ITGAM: variants seen among roughly 807,000 people sequenced by gnomAD.
ITGAM encodes integrin subunit alpha M, also known as integrin alpha-M.
Under a neutral mutation model 137.5 loss-of-function variants are expected in ITGAM, and 79 were observed. The observed-to-expected ratio is 0.57, with a 90% CI of 0.48 to 0.69. ITGAM has a LOEUF of 0.69. Among genes scored for constraint, ITGAM ranks in the 30% least tolerant of loss-of-function variants. The pLI is 0.00. For missense variants in ITGAM, 1,343 were observed against 1,483.5 expected (o/e 0.91, Z 1.56); for synonymous variants, 583 against 592.3 (o/e 0.98, Z 0.23).
chr16:31,330,444 G>T, intron 27 of ITGAM, 23 bp downstream of exon 27: 2 of 1,610,728 alleles, frequency 1.2e-6, no homozygotes, highest in Non-Finnish European at 1.7e-6. Context: ...CTGAGGCTTC[G>T]CCGGGCACAG....
At chr16:31,302,948 CT>C (rs1309452982) in intron 14 of ITGAM, among the ~76,000 whole-genome samples, 5 of 115,428 alleles carry the variant, frequency 4.3e-5, no homozygotes, top group African/African-American at 1.6e-4. Context: ...TTCTTTCTTT[CT>C]TTCTTTCTTT....
At chr16:31,311,957 A>G (rs570289022) in intron 14 of ITGAM, among the ~76,000 whole-genome samples, 40 of 152,118 alleles carry the variant, frequency 2.6e-4, no homozygotes, top group African/African-American at 9.4e-4. Context: ...ACGCAGCCAT[A>G]AAAAAGGATG....
intron 11 of ITGAM, among the ~76,000 whole-genome samples, chr16:31,277,354 G>A (rs983848515): frequency 1.4e-5 from 2 of 147,888 alleles, no homozygotes; most frequent in Non-Finnish European, 3.0e-5. Context: ...CACCACCCCT[G>A]GCTAATTTTT....
At chr16:31,323,537 T>C (rs1029457005) in intron 16 of ITGAM, among the ~76,000 whole-genome samples, 1 of 151,760 alleles carries the variant, frequency 6.6e-6, no homozygotes, top group African/African-American at 2.4e-5. Flanking sequence ...ATAATCAAAC[T>C]GCTGAAGACC....
In ITGAM at chr16:31,297,867, T is replaced by C. The variant is rs1306728574; in HGVS notation, c.1620T>C (p.Ile540=). 1.2e-6 allele frequency: 2 copies of C among 1,613,760 alleles called. No individual in the cohort carries two copies. The highest frequency in any genetic ancestry group is 4.5e-5 in the East Asian group (2 of 44,864). The change falls in exon 14 of 30, where the codon ATT becomes ATC. Residue 540 remains isoleucine (I), a synonymous_variant. Transcript: ENST00000544665. The stretch of plus-strand genomic sequence containing the variant: ...GGGACAAGCTGACGGACGTGGCCAT[T>C]GGGGCCCCAGGAGAGGAGGACAACC... ...VNGDKLTDVA[I]GAPGEEDNRG... is the part of the protein sequence containing the mutation.
At position 31,273,515 on chromosome 16, in the gene ITGAM, T is replaced by A. The variant is rs1354783761; in HGVS notation, c.855T>A (p.Ile285=). ...ADREGVIRYV[I]GVGDAFRSEK... ...GAGAGGGAGTCATTCGCTACGTCAT[T>A]GGGGTAGGGAATGCAGCTCTCAGGT... The change falls in exon 8 of 30, where the codon ATT becomes ATA. Residue 285 remains isoleucine (I), a synonymous_variant. Coordinates refer to ENST00000544665, the MANE Select transcript of ITGAM (RefSeq NM_000632.4). 4 of 1,613,520 alleles carry A rather than the reference T, an allele frequency of 2.5e-6. No individual in the cohort carries two copies. In the East Asian group the frequency reaches 8.9e-5, roughly 36 times the overall value.
At chr16:31,312,447 G>T (rs1238697697) in intron 14 of ITGAM, among the ~76,000 whole-genome samples, 2 of 152,072 alleles carry the variant, frequency 1.3e-5, no homozygotes, top group African/African-American at 4.8e-5. Flanking sequence ...TTATTTTTGA[G>T]ACAGGGTCTT....
intron 14 of ITGAM, among the ~76,000 whole-genome samples, chr16:31,304,053 G>A (rs2080241920): frequency 6.6e-6 from 1 of 152,108 alleles, no homozygotes; most frequent in African/African-American, 2.4e-5. Flanking sequence ...GTTTTCCATA[G>A]AGGTTGTGCT....
Position 31,277,674 on chromosome 16 carries a change from G to T in ITGAM, c.1214-293G>T, listed in dbSNP as rs530284316. 2.7e-4 allele frequency among the ~76,000 whole-genome samples: 41 copies of T among 151,970 alleles called. 1 individual carries two copies. In the South Asian group the frequency reaches 7.9e-3, roughly 29 times the overall value. ...TGCCTGGTCTTTTTTTGTATTTTCAGTAGAGACCGGGTTTCACCATGTTGG... is the reference window on the plus strand; with the variant it reads ...TGCCTGGTCTTTTTTTGTATTTTCATTAGAGACCGGGTTTCACCATGTTGG... On this transcript the variant is annotated intron_variant, in intron 11 of 29. Transcript: ENST00000544665.
chr16:31,278,478 G>A (rs2079933921), intron 12 of ITGAM, among the ~76,000 whole-genome samples: 2 of 152,142 alleles, frequency 1.3e-5, no homozygotes, highest in East Asian at 3.8e-4. Context: ...CCCAGTCTCT[G>A]TGGGCTTCCC....
intron 14 of ITGAM, 77 bp downstream of exon 14, chr16:31,298,031 T>A (rs1163924156): frequency 8.2e-7 from 1 of 1,223,108 alleles, no homozygotes; most frequent in Non-Finnish European, 1.2e-6. Flanking sequence ...TGCCCACAGC[T>A]GCCAGATAAG....
Position 31,331,719 on chromosome 16 carries a change from C to T in ITGAM, c.*12C>T. 3 of 1,585,140 alleles carry T rather than the reference C, an allele frequency of 1.9e-6. No individual in the cohort carries two copies. The highest frequency in any genetic ancestry group is 2.6e-6 in the Non-Finnish European group (3 of 1,165,372). On this transcript the variant is annotated 3_prime_UTR_variant, in exon 30 of 30. Transcript: ENST00000544665. ...CCGAACCCCAGTAGCGGCTCCTTCC[C>T]GACAGAGCTGCCTCTCGGTGGCCAG...
At chr16:31,299,844 TCTCCTC>T (rs148409269) in intron 14 of ITGAM, among the ~76,000 whole-genome samples, 10 of 110,240 alleles carry the variant, frequency 9.1e-5, no homozygotes, top group Admixed American at 2.2e-4. Context: ...GTCGTCCTCC[TCTCCTC>T]CTCCTCCTCC....
intron 14 of ITGAM, among the ~76,000 whole-genome samples, chr16:31,312,126 G>A (rs2080339403): frequency 7.8e-6 from 1 of 128,936 alleles, no homozygotes; most frequent in Non-Finnish European, 1.6e-5. Flanking sequence ...CACACACCAG[G>A]GACTGTTGTG....
At chr16:31,314,231 T>TA (rs1386797887) in intron 14 of ITGAM, among the ~76,000 whole-genome samples, 2 of 152,220 alleles carry the variant, frequency 1.3e-5, no homozygotes, top group African/African-American at 4.8e-5. Flanking sequence ...CTCTTTAGTT[T>TA]AATTAGATCT....
intron 29 of ITGAM, 25 bp downstream of exon 29, chr16:31,331,300 C>G (rs1467789831): frequency 7.7e-7 from 1 of 1,304,836 alleles, no homozygotes; most frequent in Admixed American, 1.7e-5. Context: ...TCCCCCACCC[C>G]CTCCCTTCAT....
At chr16:31,307,573 T>C (rs2080278434) in intron 14 of ITGAM, among the ~76,000 whole-genome samples, 1 of 152,202 alleles carries the variant, frequency 6.6e-6, no homozygotes. Flanking sequence ...TTTCTAGATA[T>C]ACAGTCATGT....
rs1333806360 is a variant in ITGAM, at chr16:31,330,805, CAG to C, written c.3276+202_3276+203del. 1.0e-4 allele frequency among the ~76,000 whole-genome samples: 8 copies of C among 76,996 alleles called. No homozygotes were observed. In the East Asian group the frequency reaches 1.3e-3, roughly 12 times the overall value. The allele number at this position is 76,996 out of a possible 152,430, so 50.5% of individuals were successfully genotyped here. On this transcript the variant is annotated intron_variant, in intron 28 of 29. Transcript: ENST00000544665. ...GCAGAGGGAGAAACAGACACAGAGA[CAG>C]ACAAAGGAGAGAGAGATAGAGAGTC... is the stretch of plus-strand genomic sequence containing the variant.
chr16:31,310,753 TG>T (rs1264307640), intron 14 of ITGAM, among the ~76,000 whole-genome samples: 1 of 152,322 alleles, frequency 6.6e-6, no homozygotes, highest in Admixed American at 6.5e-5. Flanking sequence ...TGCGTTCCTT[TG>T]TAGGAGGAGA....
Sources: gnomAD v4.1 joint callset for allele counts (sites outside exome capture counted in the v4.1 genomes callset) on GRCh38, gnomAD v4.1.1 for gene constraint, MANE v1.5 for transcripts, NCBI Gene and HGNC (gene_info 2026-07-23, HGNC 2026-07-21) for gene names.